EBF1: variants seen among roughly 807,000 people sequenced by gnomAD.
The protein encoded by EBF1 is transcription factor COE1.
EBF1 carries 10 observed loss-of-function variants against 68.4 expected under a neutral mutation model. That is an observed-to-expected ratio of 0.15 (90% confidence interval 0.09 to 0.25). EBF1 has a LOEUF of 0.25. Ranked by LOEUF, EBF1 falls within the 10% of genes least tolerant of loss-of-function variation. EBF1 has a pLI of 1.00. For missense variants in EBF1, 509 were observed against 794.4 expected (o/e 0.64, Z 4.32); for synonymous variants, 298 against 299.8 (o/e 0.99, Z 0.06).
intron 6 of EBF1, among the ~76,000 whole-genome samples, chr5:158,947,505 C>T (rs1815032937): frequency 1.3e-5 from 2 of 152,334 alleles, no homozygotes; most frequent in South Asian, 4.1e-4. Context: ...CTTCTGCTCG[C>T]CCTCCCTGGG....
rs571447360 is a variant in EBF1 at position 159,066,372 on chromosome 5, G to T, written c.554+7024C>A. On this transcript the variant is annotated intron_variant, in intron 6 of 15. Coordinates refer to ENST00000313708, the MANE Select transcript of EBF1 (RefSeq NM_024007.5). ...TCAGTCATGACAAGTAGGGTTTAGG[G>T]CATGTTTGCAACTGGAACCAAGCAC... is the stretch of plus-strand genomic sequence containing the variant. 1.7e-3 allele frequency among the ~76,000 whole-genome samples: 261 copies of T among 152,228 alleles called. 1 individual carries two copies. Among genetic ancestry groups the T allele is most frequent in the African/African-American group, 6.2e-3 (256 of 41,534 alleles).
chr5:158,813,239 A>ACGCATTAAC (rs1030054858), intron 8 of EBF1, among the ~76,000 whole-genome samples: 83 of 152,314 alleles, frequency 5.4e-4, no homozygotes, highest in Non-Finnish European at 1.2e-3. Flanking sequence ...AGTTGGAGTT[A>ACGCATTAAC]TTGTTTTGTT....
rs185797660 is a variant in EBF1 at position 158,718,992 on chromosome 5, G to T, written c.1126-4810C>A. Among the ~76,000 whole-genome samples, 414 of 152,262 alleles carry T rather than the reference G, an allele frequency of 2.7e-3. 6 individuals are homozygous for T. The highest frequency in any genetic ancestry group is 0.021 in the Admixed American group (321 of 15,292). On this transcript the variant is annotated intron_variant, in intron 11 of 15. Coordinates refer to ENST00000313708, the MANE Select transcript of EBF1 (RefSeq NM_024007.5). Reference sequence around the variant, plus strand: ...ATGTTTAGCAAACCACAAGTCTTGAGAAATTCATGTTGATGTGTTATTCTA... The same window carrying T: ...ATGTTTAGCAAACCACAAGTCTTGATAAATTCATGTTGATGTGTTATTCTA...
intron 6 of EBF1, among the ~76,000 whole-genome samples, chr5:158,910,713 T>C (rs1453087033): frequency 6.6e-6 from 1 of 152,228 alleles, no homozygotes; most frequent in African/African-American, 2.4e-5. Flanking sequence ...TTTTATGGTT[T>C]ATGGAAAAAC....
chr5:159,077,233 G>C (rs73305722), intron 5 of EBF1, among the ~76,000 whole-genome samples: 20,236 of 152,076 alleles, frequency 0.13, 1,973 homozygotes, highest in East Asian at 0.34. Context: ...TCAGGAGTTC[G>C]GGACTAGCCT....
At chr5:159,065,394 C>A (rs534832042) in intron 6 of EBF1, among the ~76,000 whole-genome samples, 1 of 152,216 alleles carries the variant, frequency 6.6e-6, no homozygotes, top group African/African-American at 2.4e-5. Flanking sequence ...GGGAGCAGCA[C>A]CACATCAAAA....
chr5:158,906,712 G>T (rs374252101), intron 6 of EBF1, among the ~76,000 whole-genome samples: 3 of 152,338 alleles, frequency 2.0e-5, no homozygotes, highest in East Asian at 1.9e-4. Context: ...ACCTCACAGA[G>T]CCAGGAAGGA....
chr5:159,064,762 AAAC>A (rs1776469654), intron 6 of EBF1, among the ~76,000 whole-genome samples: 1 of 152,190 alleles, frequency 6.6e-6, no homozygotes, highest in African/African-American at 2.4e-5. Flanking sequence ...GGCTTTAGGA[AAAC>A]AACAAGACTG....
chr5:159,086,322 A>G (rs1320404602), intron 4 of EBF1, among the ~76,000 whole-genome samples: 1 of 152,190 alleles, frequency 6.6e-6, no homozygotes, highest in Non-Finnish European at 1.5e-5. Flanking sequence ...ACCACAGTAC[A>G]GTTATCTAAA....
In EBF1 at chr5:158,714,050, G is replaced by A. The variant is rs1017600494; in HGVS notation, c.1191+67C>T. On this transcript the variant is annotated intron_variant, in intron 12 of 15. Transcript: ENST00000313708. The stretch of plus-strand genomic sequence containing the variant: ...TATATTGTTTGTGCTTTCTCATTAC[G>A]ATGAGGAATCTGAGATCTTTAATTG... The A allele has an allele frequency of 3.6e-5, 55 of 1,523,906 alleles. 1 individual carries two copies. Among genetic ancestry groups the A allele is most frequent in the Middle Eastern group, 3.4e-4 (2 of 5,914 alleles). 94.4% of individuals were successfully genotyped at this position (1,523,906 alleles called of 1,614,324 possible).
intron 10 of EBF1, among the ~76,000 whole-genome samples, chr5:158,772,641 C>T (rs935790383): frequency 3.5e-4 from 54 of 152,224 alleles, no homozygotes; most frequent in African/African-American, 1.3e-3. Context: ...TTGGGGTTGA[C>T]AGGTGTTACT....
chr5:159,060,289 T>G (rs566042725), intron 6 of EBF1, among the ~76,000 whole-genome samples: 1 of 152,310 alleles, frequency 6.6e-6, no homozygotes, highest in South Asian at 2.1e-4. Flanking sequence ...TCAAAGTATT[T>G]TGTTGTGTTG....
chr5:159,002,269 G>A (rs903328646), intron 6 of EBF1, among the ~76,000 whole-genome samples: 1 of 148,370 alleles, frequency 6.7e-6, no homozygotes, highest in Non-Finnish European at 1.5e-5. Flanking sequence ...TCCATAATTT[G>A]AAAACATAAA....
chr5:159,016,901 C>G (rs1257746769), intron 6 of EBF1, among the ~76,000 whole-genome samples: 1 of 152,216 alleles, frequency 6.6e-6, no homozygotes, highest in East Asian at 1.9e-4. Context: ...CACAAACACA[C>G]TTTGAGAGAT....
At chr5:158,906,623 A>G (rs1226477564) in intron 6 of EBF1, among the ~76,000 whole-genome samples, 1 of 152,196 alleles carries the variant, frequency 6.6e-6, no homozygotes, top group African/African-American at 2.4e-5. Context: ...CACCTCTGTG[A>G]GGCAGGTACT....
intron 2 of EBF1, 56 bp downstream of exon 2, chr5:159,096,918 G>A: frequency 1.3e-6 from 2 of 1,592,486 alleles, no homozygotes; most frequent in Non-Finnish European, 1.7e-6. Flanking sequence ...CAAGGCTCCC[G>A]GGCCTGCTCC....
chr5:159,098,698 G>A (rs1214462567), intron 1 of EBF1, among the ~76,000 whole-genome samples: 1 of 150,474 alleles, frequency 6.6e-6, no homozygotes, highest in East Asian at 1.9e-4. Flanking sequence ...AGAAAGAAAA[G>A]AAGGCAGGAA....
intron 6 of EBF1, chr5:158,941,141 C>T (rs141175165): frequency 1.8e-5 from 8 of 454,634 alleles, no homozygotes; most frequent in Middle Eastern, 3.3e-4. Context: ...ACATATGGCA[C>T]GTGGGGCTTT....
At chr5:159,097,903 C>A (rs560004128) in intron 1 of EBF1, among the ~76,000 whole-genome samples, 2 of 152,280 alleles carry the variant, frequency 1.3e-5, no homozygotes, top group Admixed American at 6.5e-5. Flanking sequence ...CACTGACAGC[C>A]GGACCTGCCC....
Sources: gnomAD v4.1 joint callset for allele counts (sites outside exome capture counted in the v4.1 genomes callset) on GRCh38, gnomAD v4.1.1 for gene constraint, MANE v1.5 for transcripts, NCBI Gene and HGNC (gene_info 2026-07-23, HGNC 2026-07-21) for gene names.